Variants in MAGI3 observed in about 807,000 individuals in gnomAD.
The protein encoded by MAGI3 is membrane associated guanylate kinase, WW and PDZ domain containing 3.
Under a neutral mutation model 121.8 loss-of-function variants are expected in MAGI3, and 43 were observed. The ratio of observed to expected loss-of-function variants is 0.35; its 90% CI spans 0.28 to 0.46. The LOEUF (loss-of-function observed/expected upper bound fraction) is 0.46. Ranked by LOEUF, MAGI3 falls within the 20% of genes least tolerant of loss-of-function variation. The pLI is 1.00. For missense variants in MAGI3, 1,547 were observed against 1,797.3 expected, an observed-to-expected ratio of 0.86 and a Z score of 2.52; for synonymous variants, 553 against 639.3, an observed-to-expected ratio of 0.86 and a Z score of 2.04.
At chr1:113,641,207 A>G (rs1380367483) in intron 9 of MAGI3, among the ~76,000 whole-genome samples, 2 of 146,602 alleles carry the variant, frequency 1.4e-5, no homozygotes, top group Admixed American at 1.4e-4. Context: ...ATTTCTGGCT[A>G]TAGGGGCTAT....
intron 9 of MAGI3, among the ~76,000 whole-genome samples, chr1:113,629,113 GT>G (rs149074216): frequency 0.017 from 2,477 of 149,828 alleles, 77 homozygotes; most frequent in African/African-American, 0.057. Flanking sequence ...CTTTATTCTT[GT>G]TTTTTTTTGT....
rs1360578489 is a variant in MAGI3 at position 113,391,071 on chromosome 1, G to A, written c.38G>A (p.Ser13Asn). The change falls in exon 1 of 21, where the codon AGC becomes AAC. Residue 13 changes from serine (S) to asparagine (N), a missense_variant. Physicochemically the swap from Ser to Asn is conservative, Grantham distance 46. Coordinates refer to ENST00000307546, the MANE Select transcript of MAGI3 (RefSeq NM_001142782.2). This position sits in a 1 kb window ranked among gnomAD's most constrained non-coding sequence, Gnocchi z 4.4. ...CTGAAGAAGAAGAAGCACTGGCTCA[G>A]CAAGGTGCAGGAGTGCGCCGTGTCC... ...KTLKKKKHWLSKVQECAVSWA... is the reference protein window; with the variant it reads ...KTLKKKKHWLNKVQECAVSWA... 8 of 1,591,548 alleles carry A rather than the reference G, an allele frequency of 5.0e-6. No homozygotes were observed. Among genetic ancestry groups the A allele is most frequent in the Non-Finnish European group, 5.1e-6 (6 of 1,170,018 alleles).
chr1:113,681,156 A>G (rs550250809), intron 19 of MAGI3, 42 bp from the exon 20 acceptor site: 1 of 1,595,500 alleles, frequency 6.3e-7, no homozygotes, highest in Admixed American at 1.8e-5. Flanking sequence ...TTTACAAAGG[A>G]TGCATAGTTT....
chr1:113,416,079 A>G (rs1281823256), intron 1 of MAGI3, among the ~76,000 whole-genome samples: 1 of 147,970 alleles, frequency 6.8e-6, no homozygotes, highest in Non-Finnish European at 1.5e-5. Context: ...GTAATTAATG[A>G]CACATATTAA....
intron 7 of MAGI3, among the ~76,000 whole-genome samples, chr1:113,615,554 A>G (rs113706247): frequency 7.2e-4 from 109 of 152,330 alleles, no homozygotes; most frequent in African/African-American, 2.5e-3. Context: ...CCTGGTAGTT[A>G]TCCCTAAAGT....
intron 1 of MAGI3, among the ~76,000 whole-genome samples, chr1:113,547,873 G>T (rs1036640910): frequency 6.6e-6 from 1 of 152,072 alleles, no homozygotes; most frequent in East Asian, 1.9e-4. Context: ...TATCTTTCAG[G>T]TTTATTAAAA....
chr1:113,508,872 T>G (rs1250940866), intron 1 of MAGI3, among the ~76,000 whole-genome samples: 4 of 152,216 alleles, frequency 2.6e-5, no homozygotes, highest in Non-Finnish European at 5.9e-5. Context: ...ATGTTGCCAT[T>G]GCTGTTGCAA....
intron 1 of MAGI3, among the ~76,000 whole-genome samples, chr1:113,425,002 A>T (rs1054918549): frequency 2.6e-5 from 4 of 151,752 alleles, no homozygotes; most frequent in African/African-American, 9.7e-5. Context: ...AAGTAAATAA[A>T]TGAAAAATTA....
At chr1:113,456,895 T>A (rs1654787876) in intron 1 of MAGI3, among the ~76,000 whole-genome samples, 1 of 148,148 alleles carries the variant, frequency 6.8e-6, no homozygotes. Flanking sequence ...CAATAAAACA[T>A]AACAGAAATT....
At chr1:113,406,477 G>C (rs1469864637) in intron 1 of MAGI3, among the ~76,000 whole-genome samples, 2 of 149,888 alleles carry the variant, frequency 1.3e-5, no homozygotes, top group African/African-American at 2.5e-5. Flanking sequence ...AAAAAAAACT[G>C]GTTCAAATTG....
At chr1:113,525,082 A>G (rs1658390315) in intron 1 of MAGI3, among the ~76,000 whole-genome samples, 1 of 152,078 alleles carries the variant, frequency 6.6e-6, no homozygotes, top group Admixed American at 6.6e-5. Context: ...TTCCACCATG[A>G]TTGTGAGGCC....
intron 9 of MAGI3, among the ~76,000 whole-genome samples, chr1:113,636,845 A>G (rs1652061852): frequency 6.6e-6 from 1 of 152,016 alleles, no homozygotes; most frequent in African/African-American, 2.4e-5. Flanking sequence ...GTCTCCCATT[A>G]TTATTGTGTG....
chr1:113,637,949 A>C, intron 9 of MAGI3, among the ~76,000 whole-genome samples: 1 of 151,946 alleles, frequency 6.6e-6, no homozygotes, highest in Non-Finnish European at 1.5e-5. Flanking sequence ...TTTTTTCTCT[A>C]AACTTCCCTT....
chr1:113,534,140 T>A (rs1658857665), intron 1 of MAGI3, among the ~76,000 whole-genome samples: 1 of 152,222 alleles, frequency 6.6e-6, no homozygotes, highest in African/African-American at 2.4e-5. Context: ...TCTGCTGCGC[T>A]GATTCTTCTA....
rs751934225 is a variant in MAGI3, at chr1:113,494,925, C to G, written c.317-54590C>G. 1.4e-3 allele frequency among the ~76,000 whole-genome samples: 208 copies of G among 152,070 alleles called. 7 individuals are homozygous for G. The highest frequency in any genetic ancestry group is 6.8e-3 in the Middle Eastern group (2 of 294). ...TGTTATTTTTAAGAACGACCAATTC[C>G]AGATCTATGCTAATTTAAATATGTC... On this transcript the variant is annotated intron_variant, in intron 1 of 20. Transcript: ENST00000307546.
At chr1:113,504,457 A>G (rs1174933660) in intron 1 of MAGI3, among the ~76,000 whole-genome samples, 2 of 152,124 alleles carry the variant, frequency 1.3e-5, no homozygotes, top group Admixed American at 6.5e-5. Flanking sequence ...GTTTCAAAAG[A>G]TGCTCAGACT....
chr1:113,467,825 A>G (rs1043332944), intron 1 of MAGI3, among the ~76,000 whole-genome samples: 5 of 152,150 alleles, frequency 3.3e-5, no homozygotes, highest in Non-Finnish European at 7.4e-5. Flanking sequence ...ATAAGCCATC[A>G]CACCTGGCTC....
intron 7 of MAGI3, among the ~76,000 whole-genome samples, chr1:113,615,859 T>A (rs1296856377): frequency 1.3e-5 from 2 of 152,234 alleles, no homozygotes; most frequent in Non-Finnish European, 2.9e-5. Flanking sequence ...AAGACTTATT[T>A]TGTTAAAGGA....
At chr1:113,493,977 C>T (rs1188819288) in intron 1 of MAGI3, among the ~76,000 whole-genome samples, 2 of 152,060 alleles carry the variant, frequency 1.3e-5, no homozygotes, top group Non-Finnish European at 2.9e-5. Context: ...TCCTCAGAGA[C>T]CTAAAAACAG....
Sources: allele counts gnomAD v4.1 joint callset (sites outside exome capture counted in the v4.1 genomes callset), GRCh38; gene constraint gnomAD v4.1.1; non-coding constraint Gnocchi (gnomAD v3.1); transcripts MANE v1.5; gene names NCBI Gene and HGNC (gene_info 2026-07-23, HGNC 2026-07-21).